The following ASZ1 variants were observed in gnomAD, a reference collection of about 807,000 sequenced individuals.
ASZ1 encodes the protein ankyrin repeat, SAM and basic leucine zipper domain containing 1, also known as ankyrin repeat, SAM and basic leucine zipper domain-containing protein 1.
A neutral mutation model predicts 61.8 loss-of-function variants in ASZ1; 67 were observed. The observed-to-expected ratio is 1.08, with a 90% confidence interval of 0.89 to 1.33. The LOEUF (loss-of-function observed/expected upper bound fraction) is 1.33, where lower values mean the gene tolerates loss of function less well. ASZ1 is among the 40% of genes most tolerant of loss of function. ASZ1 has a pLI of 0.00. For synonymous variants in ASZ1, 193 were observed against 192.7 expected (o/e 1.00, Z -0.01); for missense variants, 577 against 554.5 (o/e 1.04, Z -0.41).
At chr7:117,401,394 T>TTA (rs1796677914) in intron 4 of ASZ1, among the ~76,000 whole-genome samples, 2 of 142,060 alleles carry the variant, frequency 1.4e-5, no homozygotes, top group East Asian at 2.3e-4. Flanking sequence ...TTTTTTTTTT[T>TTA]AAAAAAAAAG....
chr7:117,379,879 TA>T, intron 10 of ASZ1, 58 bp downstream of exon 10: 1 of 1,139,042 alleles, frequency 8.8e-7, no homozygotes, highest in Non-Finnish European at 1.3e-6. Context: ...AAAATTAAAC[TA>T]AAAAGAACAA....
In ASZ1 at chr7:117,422,353, C is replaced by T; in HGVS notation, c.212G>A (p.Ser71Asn). The T allele has an allele frequency of 6.2e-7, 1 of 1,609,628 alleles. No individual in the cohort carries two copies. The highest frequency in any genetic ancestry group is 8.5e-7 in the Non-Finnish European group (1 of 1,178,948). ...LVQELLDSGI[S>N]VDSNFQYGWT... ...TCCATACTGAAAGTTGGAATCTACACTAATGCCTGTCAATATAAAAACAAG... is the reference window on the plus strand; with the variant it reads ...TCCATACTGAAAGTTGGAATCTACATTAATGCCTGTCAATATAAAAACAAG... Residue 71 changes from serine to asparagine, a missense_variant, in exon 3 of 13, where the codon AGT becomes AAT. Transcript: ENST00000284629.
intron 4 of ASZ1, among the ~76,000 whole-genome samples, chr7:117,415,177 G>A (rs1167212326): frequency 2.0e-5 from 3 of 151,956 alleles, no homozygotes; most frequent in Non-Finnish European, 4.4e-5. Flanking sequence ...TTTAATGATC[G>A]CCATTCTATC....
intron 2 of ASZ1, among the ~76,000 whole-genome samples, chr7:117,426,488 CAAAA>C (rs10625452): frequency 5.9e-5 from 2 of 34,016 alleles, no homozygotes; most frequent in African/African-American, 1.3e-4. Context: ...GATAACATCT[CAAAA>C]AAAAAAAAAA....
chr7:117,407,263 T>C (rs1265050064), intron 4 of ASZ1, among the ~76,000 whole-genome samples: 3 of 152,178 alleles, frequency 2.0e-5, no homozygotes, highest in East Asian at 3.8e-4. Context: ...AGATTAAGTA[T>C]ATTATAATGA....
chr7:117,406,680 G>A (rs781631496), intron 4 of ASZ1, among the ~76,000 whole-genome samples: 1 of 152,006 alleles, frequency 6.6e-6, no homozygotes. Flanking sequence ...TTGAACCCGG[G>A]AGGCGGAGGT....
At chr7:117,423,875 A>G (rs865802691) in intron 2 of ASZ1, among the ~76,000 whole-genome samples, 2 of 151,490 alleles carry the variant, frequency 1.3e-5, no homozygotes, top group Non-Finnish European at 1.5e-5. Flanking sequence ...AAAAAAAAAA[A>G]GCAAATGTGG....
chr7:117,426,777 A>T (rs1797225160), intron 2 of ASZ1, 59 bp downstream of exon 2: 2 of 1,413,960 alleles, frequency 1.4e-6, no homozygotes, highest in Admixed American at 4.4e-5. Context: ...TTTAAAAATA[A>T]AGAATCCTTG....
intron 12 of ASZ1, among the ~76,000 whole-genome samples, chr7:117,366,396 T>TA (rs1795940087): frequency 6.6e-6 from 1 of 152,168 alleles, no homozygotes; most frequent in Non-Finnish European, 1.5e-5. Flanking sequence ...AATGAAAATG[T>TA]TAAATGAATT....
intron 10 of ASZ1, among the ~76,000 whole-genome samples, chr7:117,374,920 A>G (rs1562846158): frequency 2.0e-5 from 3 of 152,106 alleles, no homozygotes; most frequent in Admixed American, 2.0e-4. Flanking sequence ...TTCCTAAGCA[A>G]TAAAAGAACA....
chr7:117,399,752 G>C (rs1796644968), intron 4 of ASZ1, among the ~76,000 whole-genome samples: 1 of 152,040 alleles, frequency 6.6e-6, no homozygotes, highest in Non-Finnish European at 1.5e-5. Flanking sequence ...TTTCTTTGGG[G>C]AATGATAAAA....
chr7:117,406,959 A>G (rs949299184), intron 4 of ASZ1, among the ~76,000 whole-genome samples: 2 of 152,154 alleles, frequency 1.3e-5, no homozygotes, highest in African/African-American at 4.8e-5. Context: ...TAATAAAAGA[A>G]CGAATAACTA....
intron 10 of ASZ1, among the ~76,000 whole-genome samples, chr7:117,379,168 TACACAC>T (rs58457982): frequency 4.3e-5 from 3 of 69,726 alleles, no homozygotes; most frequent in Non-Finnish European, 5.6e-5. Flanking sequence ...TATATATATA[TACACAC>T]ACACACACAC....
chr7:117,384,832 T>A lies in ASZ1; in HGVS notation c.581A>T (p.His194Leu), dbSNP rs1198775039. The change falls in exon 6 of 13, where the codon CAT becomes CTT. Residue 194 changes from histidine (H) to leucine (L), a missense_variant. His to Leu is a moderately conservative substitution (Grantham distance 99). Transcript: ENST00000284629. Reference protein sequence around the residue: ...TALTWAARQGHKNIVLKLLEL... With the variant: ...TALTWAARQGLKNIVLKLLEL... Reference sequence around the variant, plus strand: ...AAGCAACTTCAAAACTATATTTTTATGACCCTGACGTGCTGCCCACGTTAA... The same window carrying A: ...AAGCAACTTCAAAACTATATTTTTAAGACCCTGACGTGCTGCCCACGTTAA... 3 of 1,606,952 alleles carry A rather than the reference T, an allele frequency of 1.9e-6. No homozygotes were observed.
chr7:117,427,353 T>C lies in ASZ1; in HGVS notation c.105+3A>G, dbSNP rs766981793. 1 of 1,614,146 alleles carries C rather than the reference T, an allele frequency of 6.2e-7. No homozygotes were observed. Among genetic ancestry groups the C allele is most frequent in the Non-Finnish European group, 8.5e-7 (1 of 1,179,962 alleles). On this transcript the variant is annotated splice_donor_region_variant and intron_variant, in intron 1 of 12. Transcript: ENST00000284629. ...GTGGTCAAGACAAGGCCTCCTCCGC[T>C]ACCTGAGACGTCCGGTCGAGATACC...
intron 2 of ASZ1, among the ~76,000 whole-genome samples, chr7:117,425,985 C>G (rs1797202508): frequency 6.6e-6 from 1 of 151,616 alleles, no homozygotes; most frequent in Admixed American, 6.6e-5. Flanking sequence ...GAGAGAGACA[C>G]TCCATCCCCT....
chr7:117,377,699 C>T (rs909646055), intron 10 of ASZ1, among the ~76,000 whole-genome samples: 3 of 151,848 alleles, frequency 2.0e-5, no homozygotes, highest in Non-Finnish European at 4.4e-5. Context: ...AAAGCTTTAT[C>T]TAAAATGTAT....
intron 4 of ASZ1, among the ~76,000 whole-genome samples, chr7:117,411,688 T>C (rs1796892800): frequency 6.6e-6 from 1 of 151,946 alleles, no homozygotes; most frequent in Non-Finnish European, 1.5e-5. Flanking sequence ...AAACATCTGA[T>C]GCTTACTCTG....
intron 10 of ASZ1, among the ~76,000 whole-genome samples, chr7:117,379,162 T>TAC (rs1360929671): frequency 7.0e-5 from 4 of 57,068 alleles, no homozygotes; most frequent in African/African-American, 4.7e-4. Context: ...TATATATATA[T>TAC]ATATATACAC....
Sources: allele counts gnomAD v4.1 joint callset (sites outside exome capture counted in the v4.1 genomes callset), GRCh38; gene constraint gnomAD v4.1.1; transcripts MANE v1.5; gene names NCBI Gene and HGNC (gene_info 2026-07-23, HGNC 2026-07-21).